The following SIPA1L1 variants were observed in gnomAD, a reference collection of about 807,000 sequenced individuals.
The protein encoded by SIPA1L1 is signal-induced proliferation-associated 1-like protein 1.
A neutral mutation model predicts 162.7 loss-of-function variants in SIPA1L1; 26 were observed. The ratio of observed to expected loss-of-function variants is 0.16; its 90% CI spans 0.12 to 0.22. The LOEUF is 0.22. Ranked by LOEUF, SIPA1L1 falls within the 10% of genes least tolerant of loss-of-function variation. The pLI is 1.00. For synonymous variants in SIPA1L1, 829 were observed against 837.4 expected (o/e 0.99, Z 0.17); for missense variants, 1,874 against 2,241.0 (o/e 0.84, Z 3.31).
At chr14:71,531,030 T>C (rs773944154) in intron 4 of SIPA1L1, among the ~76,000 whole-genome samples, 53 of 152,236 alleles carry the variant, frequency 3.5e-4, no homozygotes, top group Non-Finnish European at 1.3e-4. Flanking sequence ...AACATGCTGA[T>C]AGCTTTCTGT....
intron 7 of SIPA1L1, among the ~76,000 whole-genome samples, chr14:71,646,180 T>A (rs927148153): frequency 2.2e-3 from 320 of 146,970 alleles, no homozygotes; most frequent in African/African-American, 7.5e-3. Context: ...TCTTTCTACT[T>A]TTTTTTTTTT....
intron 2 of SIPA1L1, among the ~76,000 whole-genome samples, chr14:71,385,230 C>G (rs1025820535): frequency 5.9e-5 from 9 of 152,160 alleles, no homozygotes; most frequent in Non-Finnish European, 1.0e-4. Context: ...AGACAGTCTT[C>G]CTCAACATGG....
At chr14:71,321,352 G>A (rs1197015416) in intron 2 of SIPA1L1, 171 bp downstream of exon 2, 1 of 152,360 alleles carries the variant, frequency 6.6e-6, no homozygotes, top group South Asian at 2.1e-4. Flanking sequence ...TAGCCCGGCG[G>A]GGGCGAGTCC....
At chr14:71,496,558 A>G (rs1290587371) in intron 2 of SIPA1L1, among the ~76,000 whole-genome samples, 1 of 152,190 alleles carries the variant, frequency 6.6e-6, no homozygotes, top group East Asian at 1.9e-4. Context: ...CTTAAAAAGA[A>G]TGTGTATTCT....
intron 2 of SIPA1L1, among the ~76,000 whole-genome samples, chr14:71,357,208 C>T (rs751831624): frequency 6.6e-6 from 1 of 151,926 alleles, no homozygotes; most frequent in Non-Finnish European, 1.5e-5. Flanking sequence ...TGTGTGTCAC[C>T]GTGCTTGGCT....
rs1003331865 is a variant in SIPA1L1 at position 71,705,456 on chromosome 14, A to T, written c.3765+116A>T. The T allele has an allele frequency of 1.3e-5, 11 of 815,346 alleles. No homozygotes were observed. In the African/African-American group the frequency reaches 1.9e-4, roughly 14 times the overall value. The allele number at this position is 815,346 out of a possible 1,614,324, so 50.5% of individuals were successfully genotyped here. ...GCCAAAGAGGAAATCATTCTGGCAA[A>T]GAGTGGTCGTTTGCTGCCATGGCCT... On this transcript the variant is annotated intron_variant, in intron 16 of 23. Coordinates refer to ENST00000381232, the MANE Select transcript of SIPA1L1 (RefSeq NM_001386936.1).
intron 2 of SIPA1L1, among the ~76,000 whole-genome samples, chr14:71,356,085 C>G (rs943984851): frequency 1.3e-5 from 2 of 152,132 alleles, no homozygotes; most frequent in Non-Finnish European, 2.9e-5. Flanking sequence ...TGCTGCAAAC[C>G]AGGAACCCAA....
rs544764487 is a variant in SIPA1L1 at position 71,573,915 on chromosome 14, A to G, written c.-302-13656A>G. ...TTCTTGTGCTTGTGTTCTGTCAAAG[A>G]ATTTTTCTTAGTTCAACATATTCTT... is the stretch of plus-strand genomic sequence containing the variant. On this transcript the variant is annotated intron_variant, in intron 4 of 23. Coordinates refer to ENST00000381232, the MANE Select transcript of SIPA1L1 (RefSeq NM_001386936.1). 129 of 331,030 alleles carry G rather than the reference A, an allele frequency of 3.9e-4. 3 individuals carry two copies. The highest frequency in any genetic ancestry group is 3.0e-3 in the South Asian group (126 of 42,050). The allele number at this position is 331,030 out of a possible 1,614,324, so 20.5% of individuals were successfully genotyped here. A position where few individuals can be genotyped will look rare whatever the true frequency, so the allele number is the denominator to read the frequency against.
chr14:71,558,122 G>T (rs1318447706), intron 4 of SIPA1L1, among the ~76,000 whole-genome samples: 1 of 152,072 alleles, frequency 6.6e-6, no homozygotes, highest in African/African-American at 2.4e-5. Context: ...TTTGTTTATT[G>T]TCTGTCTCTC....
At chr14:71,336,312 C>T (rs539491355) in intron 2 of SIPA1L1, among the ~76,000 whole-genome samples, 9 of 152,226 alleles carry the variant, frequency 5.9e-5, no homozygotes, top group Admixed American at 2.6e-4. Flanking sequence ...TTCATTACCC[C>T]GCAAAGAAAC....
At chr14:71,629,992 C>G (rs533590720) in intron 7 of SIPA1L1, among the ~76,000 whole-genome samples, 1 of 152,302 alleles carries the variant, frequency 6.6e-6, no homozygotes, top group East Asian at 1.9e-4. Flanking sequence ...ATGAGTTTGA[C>G]TAGCCATTTT....
At chr14:71,352,763 T>C (rs1184913023) in intron 2 of SIPA1L1, among the ~76,000 whole-genome samples, 2 of 152,218 alleles carry the variant, frequency 1.3e-5, no homozygotes, top group African/African-American at 4.8e-5. Context: ...ACATTCACTT[T>C]GGTAGATACT....
At position 71,741,010 on chromosome 14, in the gene SIPA1L1, A is replaced by T. The variant is rs956949498; in HGVS notation, c.*1849A>T. On this transcript the variant is annotated 3_prime_UTR_variant, in exon 24 of 24. Transcript: ENST00000381232. ...CCTCTAAAGACTACCTGTAAAATTC[A>T]AAGAATAAAATTCATTTTAAACGCT... The T allele has an allele frequency of 1.3e-5, 2 of 152,234 alleles. No homozygotes were observed. Among genetic ancestry groups the T allele is most frequent in the Non-Finnish European group, 2.9e-5 (2 of 68,040 alleles). The allele number at this position is 152,234 out of a possible 1,614,324, so 9.4% of individuals were successfully genotyped here.
In SIPA1L1 at chr14:71,724,722, A is replaced by T. The variant is rs1364584341; in HGVS notation, c.4501A>T (p.Thr1501Ser). ...AGCCCACACCAGGCTGCGTGCCTCA[A>T]CCAGAGACCTCCGGGCATCTCCTAA... ...EIAHTRLRAS[T>S]RDLRASPKPT... Residue 1501 changes from threonine to serine, a missense_variant, in exon 19 of 24, where the codon ACC becomes TCC. Around this residue, in one of 5 missense-constraint regions of SIPA1L1, gnomAD observed 936 missense variants for 1,051.9 expected, o/e 0.89. Transcript: ENST00000381232. 6.2e-7 allele frequency: 1 copy of T among 1,614,080 alleles called. No homozygotes were observed. Among genetic ancestry groups the T allele is most frequent in the Non-Finnish European group, 8.5e-7 (1 of 1,180,034 alleles).
At chr14:71,469,794 T>C (rs1377213232) in intron 2 of SIPA1L1, among the ~76,000 whole-genome samples, 1 of 152,206 alleles carries the variant, frequency 6.6e-6, no homozygotes, top group Non-Finnish European at 1.5e-5. Context: ...TTGTTGCTTT[T>C]CAAGTGCTTA....
intron 16 of SIPA1L1, among the ~76,000 whole-genome samples, chr14:71,707,025 A>C (rs1477106356): frequency 4.4e-5 from 6 of 137,066 alleles, no homozygotes; most frequent in Admixed American, 1.5e-4. Context: ...ACAGATCAAG[A>C]CTCCGTCAAA....
intron 13 of SIPA1L1, among the ~76,000 whole-genome samples, chr14:71,696,678 CAT>C (rs1566673943): frequency 6.6e-6 from 1 of 152,188 alleles, no homozygotes; most frequent in Non-Finnish European, 1.5e-5. Flanking sequence ...ATTCAAAACA[CAT>C]GTTAAGCACT....
intron 2 of SIPA1L1, among the ~76,000 whole-genome samples, chr14:71,347,071 C>A (rs1015336115): frequency 6.6e-6 from 1 of 151,760 alleles, no homozygotes; most frequent in Non-Finnish European, 1.5e-5. Flanking sequence ...CCTGTCTCAG[C>A]CCCCCGAGTA....
chr14:71,571,818 T>C (rs2032107044), intron 4 of SIPA1L1, among the ~76,000 whole-genome samples: 1 of 151,322 alleles, frequency 6.6e-6, no homozygotes, highest in Non-Finnish European at 1.5e-5. Context: ...ATTTTTTTTT[T>C]TTTTTTTGTA....
Sources: allele counts gnomAD v4.1 joint callset (sites outside exome capture counted in the v4.1 genomes callset), GRCh38; gene constraint gnomAD v4.1.1; regional missense constraint gnomAD v4.1.1; transcripts MANE v1.5; gene names NCBI Gene and HGNC (gene_info 2026-07-23, HGNC 2026-07-21).